The following TBC1D8 variants were observed in gnomAD, a reference collection of about 807,000 sequenced individuals.
The protein encoded by TBC1D8 is TBC1 domain family member 8, also known as BUB2-like protein 1.
TBC1D8 carries 65 observed loss-of-function variants against 118.8 expected under a neutral mutation model. The observed-to-expected ratio is 0.55, with a 90% CI of 0.45 to 0.67. TBC1D8 has a LOEUF of 0.67. Ranked by LOEUF, TBC1D8 falls within the 30% of genes least tolerant of loss-of-function variation. The pLI, the probability that TBC1D8 is intolerant of heterozygous loss-of-function variation, is 0.00. For synonymous variants in TBC1D8, 566 were observed against 595.8 expected (o/e 0.95, Z 0.73); for missense variants, 1,376 against 1,471.2 (o/e 0.94, Z 1.06).
At chr2:101,114,581 A>G (rs1677738494) in intron 1 of TBC1D8, among the ~76,000 whole-genome samples, 2 of 152,216 alleles carry the variant, frequency 1.3e-5, no homozygotes, top group Non-Finnish European at 2.9e-5. Flanking sequence ...GTAATTTGCA[A>G]CACAACAGTT....
rs570511218 is a variant in TBC1D8 at position 101,020,621 on chromosome 2, G to A, written c.2827+1060C>T. ...GCACAGAATGCTCACTGGGGAGAGC[G>A]TGCCTAAGGTATAAGATGCCAGTTC... On this transcript the variant is annotated intron_variant, in intron 17 of 19. Coordinates refer to ENST00000409318, the MANE Select transcript of TBC1D8 (RefSeq NM_001330348.2). 1.6e-4 allele frequency among the ~76,000 whole-genome samples: 24 copies of A among 152,326 alleles called. No homozygotes were observed. The East Asian group carries it at 4.0e-3, about 26-fold the overall frequency.
chr2:101,085,173 A>C (rs189333048), intron 2 of TBC1D8, among the ~76,000 whole-genome samples: 1 of 152,200 alleles, frequency 6.6e-6, no homozygotes, highest in Non-Finnish European at 1.5e-5. Flanking sequence ...ATTAAACTAT[A>C]ACAGTTTAAA....
chr2:101,011,544 A>T lies in TBC1D8; in HGVS notation c.2828-4T>A. 6.2e-7 allele frequency: 1 copy of T among 1,613,462 alleles called. No individual in the cohort carries two copies. ...TCTCGGTCATTTTCAGTGAGTGCTTAAAAAAAGATGAGAGGTTTAAATTAA... is the reference window on the plus strand; with the variant it reads ...TCTCGGTCATTTTCAGTGAGTGCTTTAAAAAAGATGAGAGGTTTAAATTAA... On this transcript the variant is annotated splice_region_variant and splice_polypyrimidine_tract_variant and intron_variant, in intron 17 of 19. Transcript: ENST00000409318.
At chr2:101,120,374 C>G (rs1349986404) in intron 1 of TBC1D8, among the ~76,000 whole-genome samples, 1 of 152,176 alleles carries the variant, frequency 6.6e-6, no homozygotes, top group Non-Finnish European at 1.5e-5. Context: ...CTGGAATCCC[C>G]TGGGGAGCTT....
rs554643494 is a variant in TBC1D8, at chr2:101,049,643, G to A, written c.872+758C>T. Among the ~76,000 whole-genome samples, 30 of 151,768 alleles carry A rather than the reference G, an allele frequency of 2.0e-4. No individual in the cohort carries two copies. In the South Asian group the frequency reaches 5.2e-3, roughly 26 times the overall value. ...CTCGGGAGGCTGAGGCAGGAGAATC[G>A]TTTGAACCTGAGAGGCAGAGGTTGC... On this transcript the variant is annotated intron_variant, in intron 5 of 19. Transcript: ENST00000409318.
intron 1 of TBC1D8, among the ~76,000 whole-genome samples, chr2:101,092,101 T>C (rs539076356): frequency 3.4e-4 from 52 of 152,374 alleles, no homozygotes; most frequent in African/African-American, 1.2e-3. Context: ...TTTGCTACAA[T>C]GGATCCAGTT....
chr2:101,100,603 A>T (rs1032317584), intron 1 of TBC1D8, among the ~76,000 whole-genome samples: 4 of 152,224 alleles, frequency 2.6e-5, no homozygotes, highest in African/African-American at 9.6e-5. Flanking sequence ...CTAAAAATTT[A>T]TTTATTTTTA....
intron 5 of TBC1D8, among the ~76,000 whole-genome samples, chr2:101,043,667 C>T (rs532447452): frequency 2.3e-4 from 35 of 152,218 alleles, no homozygotes; most frequent in African/African-American, 7.2e-4. Flanking sequence ...CCAGGCTGAG[C>T]GTGGTGGCTC....
intron 1 of TBC1D8, among the ~76,000 whole-genome samples, chr2:101,149,094 C>T (rs985396936): frequency 2.6e-5 from 4 of 152,172 alleles, no homozygotes; most frequent in East Asian, 1.9e-4. Flanking sequence ...TCAACAGGGT[C>T]TCCAAGAAAT....
chr2:101,122,383 CAAAAAA>C (rs70943064), intron 1 of TBC1D8, among the ~76,000 whole-genome samples: 52 of 71,930 alleles, frequency 7.2e-4, no homozygotes, highest in Admixed American at 1.8e-3. Flanking sequence ...GACTCCATTT[CAAAAAA>C]AAAAAAAAAA....
At chr2:101,056,384 A>G (rs1402381336) in intron 3 of TBC1D8, among the ~76,000 whole-genome samples, 1 of 151,880 alleles carries the variant, frequency 6.6e-6, no homozygotes, top group Non-Finnish European at 1.5e-5. Context: ...CTGTATTTTT[A>G]GTAGAGACGG....
Position 101,028,371 on chromosome 2 carries a change from A to C in TBC1D8, c.2284T>G (p.Phe762Val), listed in dbSNP as rs1680471489. The C allele has an allele frequency of 6.2e-7, 1 of 1,611,568 alleles. No individual in the cohort carries two copies. The highest frequency in any genetic ancestry group is 1.7e-5 in the Admixed American group (1 of 59,682). ...TAGGGCTCCTGGTCGTCGGAGAAAAAGGCATGGTGGCTGCCAACTGGGGGC... is the reference window on the plus strand; with the variant it reads ...TAGGGCTCCTGGTCGTCGGAGAAAACGGCATGGTGGCTGCCAACTGGGGGC... ...PGPPVGSHHA[F>V]FSDDQEPYPV... The change falls in exon 13 of 20, where the codon TTT becomes GTT. Residue 762 changes from phenylalanine to valine, a missense_variant. Coordinates refer to ENST00000409318, the MANE Select transcript of TBC1D8 (RefSeq NM_001330348.2).
intron 15 of TBC1D8, 52 bp from the exon 16 acceptor site, chr2:101,022,573 G>GT: frequency 6.4e-7 from 1 of 1,560,514 alleles, no homozygotes; most frequent in Non-Finnish European, 8.6e-7. Flanking sequence ...AACAAGCCAC[G>GT]TTATTAACAC....
At chr2:101,029,861 C>A in intron 11 of TBC1D8, 85 bp from the exon 12 acceptor site, 1 of 1,411,504 alleles carries the variant, frequency 7.1e-7, no homozygotes, top group Non-Finnish European at 9.6e-7. Flanking sequence ...TCTGAGGTAA[C>A]CAGAACAAAG....
At chr2:101,078,113 C>A (rs780832747) in intron 2 of TBC1D8, among the ~76,000 whole-genome samples, 12 of 152,184 alleles carry the variant, frequency 7.9e-5, no homozygotes, top group East Asian at 1.9e-4. Context: ...AGCTTCCATT[C>A]CCTGGCCCAC....
intron 1 of TBC1D8, among the ~76,000 whole-genome samples, chr2:101,136,992 G>A (rs1226360248): frequency 6.6e-6 from 1 of 150,436 alleles, no homozygotes; most frequent in Admixed American, 6.6e-5. Flanking sequence ...AAGCAAGAAA[G>A]CCCAGAAGCT....
intron 1 of TBC1D8, among the ~76,000 whole-genome samples, chr2:101,144,297 T>C (rs1352308331): frequency 1.3e-5 from 2 of 152,208 alleles, no homozygotes; most frequent in East Asian, 3.9e-4. Context: ...AGCCTCTTCA[T>C]GACTACAGTG....
At chr2:101,124,241 A>G (rs1678255431) in intron 1 of TBC1D8, among the ~76,000 whole-genome samples, 1 of 152,182 alleles carries the variant, frequency 6.6e-6, no homozygotes. Context: ...TCCAACAGAA[A>G]AAGAATTCAA....
chr2:101,017,110 C>G (rs1025998055), intron 17 of TBC1D8, among the ~76,000 whole-genome samples: 4 of 151,848 alleles, frequency 2.6e-5, no homozygotes, highest in South Asian at 4.2e-4. Context: ...GCACATTAGC[C>G]TAGGCCTACA....
Sources: gnomAD v4.1 joint callset for allele counts (sites outside exome capture counted in the v4.1 genomes callset) on GRCh38, gnomAD v4.1.1 for gene constraint, MANE v1.5 for transcripts, NCBI Gene and HGNC (gene_info 2026-07-23, HGNC 2026-07-21) for gene names.